Variants in SMAD3 observed in about 807,000 individuals in gnomAD.
SMAD3 encodes MAD homolog 3.
A neutral mutation model predicts 51.8 loss-of-function variants in SMAD3; 12 were observed. That is an observed-to-expected ratio of 0.23 (90% CI 0.15 to 0.38). SMAD3 has a LOEUF of 0.38. SMAD3 is among the 10% of genes least tolerant of loss of function. The probability of loss-of-function intolerance (pLI) is 1.00; values close to 1 mark genes in which losing one functional copy is unlikely to be tolerated. For synonymous variants in SMAD3, 238 were observed against 227.7 expected (o/e 1.05, Z -0.41); for missense variants, 294 against 565.6 (o/e 0.52, Z 4.87).
intron 1 of SMAD3, among the ~76,000 whole-genome samples, chr15:67,117,361 C>T (rs547693766): frequency 2.0e-5 from 3 of 152,238 alleles, no homozygotes; most frequent in South Asian, 2.1e-4. Context: ...TAGGATATGA[C>T]GGTAGAAGAG....
In SMAD3 at chr15:67,165,012, G is replaced by C; in HGVS notation, c.324G>C (p.Leu108=). 2 of 1,614,172 alleles carry C rather than the reference G, an allele frequency of 1.2e-6. No homozygotes were observed. Among genetic ancestry groups the C allele is most frequent in the Non-Finnish European group, 1.7e-6 (2 of 1,180,026 alleles). Reference sequence around the variant, plus strand: ...ACCACGAGCTACGGGCCATGGAGCTGTGTGAGTTCGCCTTCAATATGAAGA... The same window carrying C: ...ACCACGAGCTACGGGCCATGGAGCTCTGTGAGTTCGCCTTCAATATGAAGA... The part of the protein sequence containing the change: ...HSHHELRAME[L]CEFAFNMKKD... The change falls in exon 2 of 9, where the codon CTG becomes CTC. Residue 108 remains leucine (L), a synonymous_variant. Coordinates refer to ENST00000327367, the MANE Select transcript of SMAD3 (RefSeq NM_005902.4).
At chr15:67,091,303 G>A (rs1960503353) in intron 1 of SMAD3, among the ~76,000 whole-genome samples, 1 of 152,228 alleles carries the variant, frequency 6.6e-6, no homozygotes, top group Admixed American at 6.5e-5. Flanking sequence ...GCCAGAGCCT[G>A]ACAGGAGAGA....
chr15:67,134,705 C>G (rs1961611259), intron 1 of SMAD3, among the ~76,000 whole-genome samples: 1 of 152,192 alleles, frequency 6.6e-6, no homozygotes, highest in Non-Finnish European at 1.5e-5. Flanking sequence ...CTCTGGCTCT[C>G]AAAGACTCTG....
chr15:67,075,746 C>A (rs1175563790), intron 1 of SMAD3, among the ~76,000 whole-genome samples: 1 of 152,054 alleles, frequency 6.6e-6, no homozygotes, highest in Non-Finnish European at 1.5e-5. Context: ...GAAACCTCGG[C>A]TCTACTAAAA....
At chr15:67,135,921 T>G (rs964126837) in intron 1 of SMAD3, among the ~76,000 whole-genome samples, 3 of 152,250 alleles carry the variant, frequency 2.0e-5, no homozygotes, top group Admixed American at 1.3e-4. Flanking sequence ...AACCTTCTGC[T>G]GAAGACCTCC....
chr15:67,175,914 C>T (rs1015948456), intron 5 of SMAD3, among the ~76,000 whole-genome samples: 1 of 152,032 alleles, frequency 6.6e-6, no homozygotes, highest in Non-Finnish European at 1.5e-5. Flanking sequence ...AAATCACAGG[C>T]AGGGTCTTCC....
chr15:67,077,601 A>G (rs943166412), intron 1 of SMAD3, among the ~76,000 whole-genome samples: 2 of 152,228 alleles, frequency 1.3e-5, no homozygotes, highest in Admixed American at 1.3e-4. Flanking sequence ...TGGAAGAGAC[A>G]CTATAGTGAA....
chr15:67,164,870 T>C, intron 1 of SMAD3, 25 bp from the exon 2 acceptor site: 4 of 1,611,996 alleles, frequency 2.5e-6, no homozygotes, highest in Non-Finnish European at 3.4e-6. Context: ...TTTCCCTCTC[T>C]TTCTGCCCCT....
chr15:67,097,449 G>T (rs1164256453), intron 1 of SMAD3, among the ~76,000 whole-genome samples: 6 of 151,974 alleles, frequency 3.9e-5, no homozygotes, highest in Admixed American at 3.9e-4. Flanking sequence ...TCACTATGTT[G>T]CCCCAGGCTA....
chr15:67,145,221 T>A (rs1300625193), intron 1 of SMAD3, among the ~76,000 whole-genome samples: 1 of 152,154 alleles, frequency 6.6e-6, no homozygotes, highest in Non-Finnish European at 1.5e-5. Flanking sequence ...GCCCATTTTA[T>A]AGGTGAGGAA....
chr15:67,182,994 A>ATATATATAT (rs1430882894), intron 6 of SMAD3, among the ~76,000 whole-genome samples: 3 of 55,428 alleles, frequency 5.4e-5, no homozygotes, highest in African/African-American at 1.6e-4. Flanking sequence ...ATTAAAAAAA[A>ATATATATAT]AAAAAAATAT....
At chr15:67,117,741 A>T (rs1056463650) in intron 1 of SMAD3, among the ~76,000 whole-genome samples, 2 of 152,238 alleles carry the variant, frequency 1.3e-5, no homozygotes, top group Admixed American at 1.3e-4. Flanking sequence ...TAATGATAAC[A>T]TAGAAGCACA....
intron 1 of SMAD3, among the ~76,000 whole-genome samples, chr15:67,139,753 A>G (rs6494635): frequency 0.95 from 145,263 of 152,254 alleles, 69,627 homozygotes; most frequent in Non-Finnish European, 1. Flanking sequence ...ACCCTGACCA[A>G]CTTCAGTCAG....
chr15:67,181,481 C>A (rs768587065), intron 6 of SMAD3, 28 bp downstream of exon 6: 6 of 1,505,166 alleles, frequency 4.0e-6, no homozygotes, highest in South Asian at 3.6e-5. Flanking sequence ...TCCCCGCCCC[C>A]CCACCCTGCC....
intron 1 of SMAD3, among the ~76,000 whole-genome samples, chr15:67,091,124 C>T (rs1777917217): frequency 6.6e-6 from 1 of 152,224 alleles, no homozygotes; most frequent in African/African-American, 2.4e-5. Context: ...AAGATACCAC[C>T]TTCCTCCCTG....
At chr15:67,154,470 C>T (rs1166609804) in intron 1 of SMAD3, among the ~76,000 whole-genome samples, 1 of 152,196 alleles carries the variant, frequency 6.6e-6, no homozygotes, top group Non-Finnish European at 1.5e-5. Context: ...AACTCAGCTA[C>T]AGGCAGAGCA....
At chr15:67,136,821 A>G (rs1961676464) in intron 1 of SMAD3, among the ~76,000 whole-genome samples, 1 of 152,166 alleles carries the variant, frequency 6.6e-6, no homozygotes, top group African/African-American at 2.4e-5. Context: ...CATCCCCCCA[A>G]GGGCAGAGGA....
At chr15:67,159,336 G>A (rs1962366047) in intron 1 of SMAD3, among the ~76,000 whole-genome samples, 1 of 152,154 alleles carries the variant, frequency 6.6e-6, no homozygotes, top group African/African-American at 2.4e-5. Flanking sequence ...TTCTCAAAAT[G>A]CTGGGATTAC....
chr15:67,164,892 C>A lies in SMAD3; in HGVS notation c.207-3C>A, dbSNP rs757772685. ...CTCTTTCTGCCCCTCCCCGTCCTGG[C>A]AGGTCCCTGGATGGCCGGTTGCAGG... On this transcript the variant is annotated splice_polypyrimidine_tract_variant and splice_region_variant and intron_variant, in intron 1 of 8. Transcript: ENST00000327367. The A allele has an allele frequency of 4.3e-6, 7 of 1,612,634 alleles. No homozygotes were observed. In the Admixed American group the frequency reaches 6.7e-5, roughly 15 times the overall value.
Sources: gnomAD v4.1 joint callset for allele counts (sites outside exome capture counted in the v4.1 genomes callset) on GRCh38, gnomAD v4.1.1 for gene constraint, MANE v1.5 for transcripts, NCBI Gene and HGNC (gene_info 2026-07-23, HGNC 2026-07-21) for gene names.